The following CNGB1 variants were observed in gnomAD, a reference collection of about 807,000 sequenced individuals.
The protein encoded by CNGB1 is cyclic nucleotide-gated channel beta-1.
In CNGB1, 126 loss-of-function variants were observed where a neutral mutation model predicts 151.7. The ratio of observed to expected loss-of-function variants is 0.83; its 90% CI spans 0.72 to 0.96. The LOEUF (loss-of-function observed/expected upper bound fraction) is 0.96. Among genes scored for constraint, CNGB1 ranks in the 40% least tolerant of loss-of-function variants. The pLI is 0.00. For synonymous variants in CNGB1, 623 were observed against 635.1 expected (o/e 0.98, Z 0.29); for missense variants, 1,698 against 1,627.0 (o/e 1.04, Z -0.75).
Position 57,931,731 on chromosome 16 carries a change from G to T in CNGB1, c.1520C>A (p.Ala507Asp), listed in dbSNP as rs1961354266. The change falls in exon 17 of 33, where the codon GCC becomes GAC. Residue 507 changes from alanine (A) to aspartate (D), a missense_variant. Ala to Asp is a moderately radical substitution (Grantham distance 126, BLOSUM62 -2). Transcript: ENST00000251102. Reference protein sequence around the residue: ...KSDTLIVPSSASGTHRKKLPS... With the variant: ...KSDTLIVPSSDSGTHRKKLPS... ...AAAAGGTAACCTGTGTGTCCCCGAG[G>T]CTGAGCTTGGGACTATAAGGGTGTC... The T allele has an allele frequency of 3.1e-6, 5 of 1,614,158 alleles. No individual in the cohort carries two copies. The South Asian group carries it at 4.4e-5, about 14-fold the overall frequency.
At chr16:57,890,909 GC>G (rs1287973083) in intron 31 of CNGB1, among the ~76,000 whole-genome samples, 20 of 152,164 alleles carry the variant, frequency 1.3e-4, no homozygotes, top group African/African-American at 4.3e-4. Flanking sequence ...CCATTCCCAC[GC>G]CCCCCCATGT....
At chr16:57,928,156 A>T (rs1273095935) in intron 17 of CNGB1, among the ~76,000 whole-genome samples, 1 of 152,246 alleles carries the variant, frequency 6.6e-6, no homozygotes, top group Non-Finnish European at 1.5e-5. Context: ...GTTTGCCTCC[A>T]GCTGTACACA....
In CNGB1 at chr16:57,953,508, A is replaced by G. The variant is rs547089960; in HGVS notation, c.875-2968T>C. ...GGCTCAATCTTAAAAAAAAAAAAAAAAAAAGAAAGTCAACAGCCTCATGTA... is the reference window on the plus strand; with the variant it reads ...GGCTCAATCTTAAAAAAAAAAAAAAGAAAAGAAAGTCAACAGCCTCATGTA... On this transcript the variant is annotated intron_variant, in intron 12 of 32. Coordinates refer to ENST00000251102, the MANE Select transcript of CNGB1 (RefSeq NM_001297.5). 1.3e-4 allele frequency among the ~76,000 whole-genome samples: 19 copies of G among 151,452 alleles called. No homozygotes were observed. In the East Asian group the frequency reaches 3.1e-3, roughly 25 times the overall value.
Position 57,940,263 on chromosome 16 carries a change from C to A in CNGB1, c.1180G>T (p.Gly394Trp). The stretch of plus-strand genomic sequence containing the variant: ...TCTGAAGTGCTCTGGGGCCGGGTCC[C>A]GTCTTCTTCACTCTGGCCCACGCCC... ...QVGVGQSEED[G>W]TRPQSTSDQK... The change falls in exon 15 of 33, where the codon GGG becomes TGG. Residue 394 changes from glycine to tryptophan, a missense_variant. Transcript: ENST00000251102. 1 of 1,577,580 alleles carries A rather than the reference C, an allele frequency of 6.3e-7. No homozygotes were observed. The highest frequency in any genetic ancestry group is 8.6e-7 in the Non-Finnish European group (1 of 1,161,822).
At chr16:57,921,119 T>G in intron 18 of CNGB1, among the ~76,000 whole-genome samples, 1 of 146,626 alleles carries the variant, frequency 6.8e-6, no homozygotes, top group Non-Finnish European at 1.5e-5. Flanking sequence ...TGAATATCTT[T>G]TTTATCTTTT....
rs1960402343 is a variant in CNGB1 at position 57,901,859 on chromosome 16, G to A, written c.2795-234C>T. Among the ~76,000 whole-genome samples, 3 of 152,156 alleles carry A rather than the reference G, an allele frequency of 2.0e-5. No homozygotes were observed. The South Asian group carries it at 6.2e-4, about 32-fold the overall frequency. ...ACTCCTACTCATTCTTCAGAACCCA[G>A]CACTAATATCACCTCCTCCAGGAAG... On this transcript the variant is annotated intron_variant, in intron 27 of 32. Coordinates refer to ENST00000251102, the MANE Select transcript of CNGB1 (RefSeq NM_001297.5).
In CNGB1 at chr16:57,920,503, GC is replaced by G. The variant is rs2149366536; in HGVS notation, c.1684del (p.Ala562ProfsTer11). On this transcript the variant is annotated frameshift_variant, in exon 19 of 33. Coordinates refer to ENST00000251102, the MANE Select transcript of CNGB1 (RefSeq NM_001297.5). LOFTEE classifies it high-confidence loss of function. ...CTCCTGGAGCCGGTCGTTGATGATG[GC>G]GCTATTTGTGCTGGCCGTGGAGGCC... ...RAASTASTNS[A>X]IINDRLQELV... The G allele has an allele frequency of 6.2e-7, 1 of 1,614,072 alleles. No individual in the cohort carries two copies.
At chr16:57,919,779 G>T (rs1480288628) in intron 19 of CNGB1, among the ~76,000 whole-genome samples, 4 of 152,094 alleles carry the variant, frequency 2.6e-5, no homozygotes, top group Non-Finnish European at 5.9e-5. Flanking sequence ...TGATACTTTT[G>T]GTCTAGGGAT....
At chr16:57,902,772 C>T (rs750430126) in intron 27 of CNGB1, among the ~76,000 whole-genome samples, 1 of 151,220 alleles carries the variant, frequency 6.6e-6, no homozygotes, top group Non-Finnish European at 1.5e-5. Context: ...CCAACATGCC[C>T]AGCTAAATTT....
At chr16:57,913,845 C>T (rs1229272056) in intron 23 of CNGB1, among the ~76,000 whole-genome samples, 1 of 152,196 alleles carries the variant, frequency 6.6e-6, no homozygotes, top group Non-Finnish European at 1.5e-5. Context: ...TTATCATTCT[C>T]CTTTGACAGA....
Position 57,964,500 on chromosome 16 carries a change from G to A in CNGB1, c.204C>T (p.Asp68=), listed in dbSNP as rs1962340947. The change falls in exon 3 of 33, where the codon GAC becomes GAT. Residue 68 remains aspartate (D), a synonymous_variant. Transcript: ENST00000251102. ...ACTCGCACTCACCCTGAGGGCTTGGGTCTGCCACAGCCACTTCCTCCTCCT... is the reference window on the plus strand; with the variant it reads ...ACTCGCACTCACCCTGAGGGCTTGGATCTGCCACAGCCACTTCCTCCTCCT... ...SFKEEEVAVA[D]PSPQETKEAA... The A allele has an allele frequency of 6.2e-7, 1 of 1,614,138 alleles. No homozygotes were observed. Among genetic ancestry groups the A allele is most frequent in the Non-Finnish European group, 8.5e-7 (1 of 1,180,024 alleles).
Position 57,887,947 on chromosome 16 carries a change from C to A in CNGB1, c.3370G>T (p.Ala1124Ser). 6.2e-7 allele frequency: 1 copy of A among 1,614,206 alleles called. No individual in the cohort carries two copies. Among genetic ancestry groups the A allele is most frequent in the Admixed American group, 1.7e-5 (1 of 60,032 alleles). ...AGGTGAGCAAGTTTGCCGCCTTTTG[C>A]CCCCTTGCCACCCATCTTTCCTGTC... ...AMTGKMGGKG[A>S]KGGKLAHLRA... The change falls in exon 32 of 33, where the codon GCA (alanine) becomes TCA (serine). Residue 1124 changes from alanine to serine, a missense_variant. Ala to Ser is a moderately conservative substitution (Grantham distance 99, BLOSUM62 1). Coordinates refer to ENST00000251102, the MANE Select transcript of CNGB1 (RefSeq NM_001297.5).
At chr16:57,887,280 C>G (rs957681319) in intron 32 of CNGB1, among the ~76,000 whole-genome samples, 2 of 152,112 alleles carry the variant, frequency 1.3e-5, no homozygotes, top group Non-Finnish European at 2.9e-5. Flanking sequence ...CTCCTCTAAC[C>G]TCTGCAACAG....
intron 26 of CNGB1, 130 bp downstream of exon 26, chr16:57,904,604 G>T: frequency 7.7e-7 from 1 of 1,306,352 alleles, no homozygotes. Context: ...CCAGGCTCCT[G>T]ACTCTCAGTC....
chr16:57,893,850 C>A lies in CNGB1; in HGVS notation c.3242+3547G>T, dbSNP rs140542304. On this transcript the variant is annotated intron_variant, in intron 31 of 32. Transcript: ENST00000251102. ...ACAGCAGCAAAGTAGGGGTTATGAC[C>A]TTTATTTTACATAGGAGACAACTGA... 9.1e-3 allele frequency among the ~76,000 whole-genome samples: 1,392 copies of A among 152,136 alleles called. 18 individuals carry two copies. Among genetic ancestry groups the A allele is most frequent in the African/African-American group, 0.03 (1,244 of 41,496 alleles).
intron 21 of CNGB1, 118 bp downstream of exon 21, chr16:57,917,150 T>G: frequency 3.6e-4 from 306 of 859,550 alleles, no homozygotes; most frequent in Non-Finnish European, 5.3e-4. Context: ...CAGCCGTTCT[T>G]GAGATTTCCT....
At chr16:57,917,194 G>A (rs944875327) in intron 21 of CNGB1, 74 bp downstream of exon 21, 88 of 1,224,008 alleles carry the variant, frequency 7.2e-5, no homozygotes, top group Non-Finnish European at 9.5e-5. Flanking sequence ...GACAGCATCA[G>A]GGGTCAGTGC....
chr16:57,901,130 C>T (rs961135019), intron 29 of CNGB1, among the ~76,000 whole-genome samples: 7 of 152,150 alleles, frequency 4.6e-5, no homozygotes, highest in African/African-American at 1.7e-4. Flanking sequence ...TTGCAAAGCC[C>T]GAGGCACATG....
chr16:57,943,215 G>C (rs183517793), intron 14 of CNGB1, among the ~76,000 whole-genome samples: 17 of 152,244 alleles, frequency 1.1e-4, no homozygotes, highest in Non-Finnish European at 2.1e-4. Flanking sequence ...TTTAAAAAAT[G>C]GGCAAAGAAT....
Sources: allele counts gnomAD v4.1 joint callset (sites outside exome capture counted in the v4.1 genomes callset), GRCh38; gene constraint gnomAD v4.1.1; transcripts MANE v1.5; gene names NCBI Gene and HGNC (gene_info 2026-07-23, HGNC 2026-07-21).